Variants in CDC23 observed in about 807,000 individuals in gnomAD.
CDC23 encodes cell division cycle 23.
In CDC23, 26 loss-of-function variants were observed where a neutral mutation model predicts 81.7. The ratio of observed to expected loss-of-function variants is 0.32; its 90% CI spans 0.23 to 0.44. The LOEUF is 0.44. CDC23 is among the 20% of genes least tolerant of loss of function. The pLI, the probability that CDC23 is intolerant of heterozygous loss-of-function variation, is 1.00. For missense variants in CDC23, 519 were observed against 728.0 expected, an observed-to-expected ratio of 0.71 and a Z score of 3.30; for synonymous variants, 267 against 270.8, an observed-to-expected ratio of 0.99 and a Z score of 0.14.
intron 3 of CDC23, among the ~76,000 whole-genome samples, chr5:138,202,991 T>C (rs1755005751): frequency 6.6e-6 from 1 of 152,200 alleles, no homozygotes. Context: ...AGAAAATGGA[T>C]AACATCTTCA....
Position 138,201,317 on chromosome 5 carries a change from A to G in CDC23, c.521+26T>C, listed in dbSNP as rs1754986916. On this transcript the variant is annotated intron_variant, in intron 5 of 15. Transcript: ENST00000394886. ...TCTACTCAGGAGAATATGTTACAGA[A>G]AGTTCCAAATTACTGTAACACTTAC... is the stretch of plus-strand genomic sequence containing the variant. The G allele has an allele frequency of 3.1e-6, 5 of 1,613,136 alleles. No homozygotes were observed. In the East Asian group the frequency reaches 1.1e-4, roughly 36 times the overall value.
intron 9 of CDC23, among the ~76,000 whole-genome samples, chr5:138,194,259 G>T (rs1048946481): frequency 6.6e-6 from 1 of 152,086 alleles, no homozygotes; most frequent in Admixed American, 6.6e-5. Flanking sequence ...AGACCAGCAT[G>T]GGCAACATAG....
chr5:138,213,126 C>G (rs367596714), intron 1 of CDC23, 26 bp downstream of exon 1: 2 of 1,614,030 alleles, frequency 1.2e-6, no homozygotes, highest in Non-Finnish European at 8.5e-7. Flanking sequence ...ATCCAAGCCC[C>G]GTCCCTTCCC....
chr5:138,210,147 T>A (rs1218926196), intron 2 of CDC23, among the ~76,000 whole-genome samples: 1 of 122,652 alleles, frequency 8.2e-6, no homozygotes. Context: ...ACCTGGGAGG[T>A]GGAGGTTGCG....
chr5:138,193,306 G>A (rs960131300), intron 9 of CDC23, among the ~76,000 whole-genome samples: 1 of 152,098 alleles, frequency 6.6e-6, no homozygotes, highest in African/African-American at 2.4e-5. Context: ...TTTCTAAAGA[G>A]GTACCCAGGC....
chr5:138,198,147 G>T, intron 9 of CDC23, 52 bp downstream of exon 9: 1 of 1,332,124 alleles, frequency 7.5e-7, no homozygotes, highest in Non-Finnish European at 1.1e-6. Context: ...TTTCACATGT[G>T]TTACTTATAA....
intron 3 of CDC23, among the ~76,000 whole-genome samples, chr5:138,202,982 GA>G (rs1211796621): frequency 1.3e-5 from 2 of 152,170 alleles, no homozygotes; most frequent in Non-Finnish European, 2.9e-5. Flanking sequence ...ACACAGTGGA[GA>G]AAATGGATAA....
At chr5:138,191,766 A>G in intron 12 of CDC23, 96 bp downstream of exon 12, 1 of 1,062,288 alleles carries the variant, frequency 9.4e-7, no homozygotes, top group Non-Finnish European at 1.5e-6. Context: ...CTATGCACCT[A>G]GATCAGAATA....
rs1165999814 is a variant in CDC23 at position 138,197,495 on chromosome 5, A to AT, written c.1012+703dup. ...TAGACGTAACATGTAATACATATTT[A>AT]TTTTTTTTTTTTTTTTTTTGAGACG... is the stretch of plus-strand genomic sequence containing the variant. On this transcript the variant is annotated intron_variant, in intron 9 of 15. Coordinates refer to ENST00000394886, the MANE Select transcript of CDC23 (RefSeq NM_004661.4). 6.2e-4 allele frequency among the ~76,000 whole-genome samples: 88 copies of AT among 142,508 alleles called. 1 individual carries two copies. Among genetic ancestry groups the AT allele is most frequent in the Middle Eastern group, 3.6e-3 (1 of 278 alleles). 93.5% of individuals were successfully genotyped at this position (142,508 alleles called of 152,430 possible).
intron 2 of CDC23, 39 bp downstream of exon 2, chr5:138,212,952 T>G: frequency 6.4e-7 from 1 of 1,571,724 alleles, no homozygotes; most frequent in Non-Finnish European, 8.8e-7. Context: ...GGCACACCCC[T>G]GGGTTGATGG....
rs780897488 is a variant in CDC23, at chr5:138,201,399, T to G, written c.465A>C (p.Arg155Ser). Reference sequence around the variant, plus strand: ...CTTGGTGTTTTTTGCTGAGCTCCACTCTCAATTCTCTAAGCGCCTCATTTT... The same window carrying G: ...CTTGGTGTTTTTTGCTGAGCTCCACGCTCAATTCTCTAAGCGCCTCATTTT... ...QVKNEALRELRVELSKKHQAR... is the reference protein window; with the variant it reads ...QVKNEALRELSVELSKKHQAR... The change falls in exon 5 of 16, where the codon AGA becomes AGC. Residue 155 changes from arginine (R) to serine (S), a missense_variant. Physicochemically the swap from Arg to Ser is moderately radical, Grantham distance 110. Around this residue, in one of 4 missense-constraint regions of CDC23, gnomAD observed 180 missense variants for 239.3 expected, o/e 0.75. Coordinates refer to ENST00000394886, the MANE Select transcript of CDC23 (RefSeq NM_004661.4). The G allele has an allele frequency of 6.2e-7, 1 of 1,614,120 alleles. No individual in the cohort carries two copies. Among genetic ancestry groups the G allele is most frequent in the African/African-American group, 1.3e-5 (1 of 75,042 alleles).
Position 138,212,202 on chromosome 5 carries a change from CAGA to C in CDC23, c.234+786_234+788del, listed in dbSNP as rs1235640798. ...CACTGCACAGATGAGGAAACTGGCTCAGAAGGTTAAGTTGCCAAAGGTCATTTG... is the reference window on the plus strand; with the variant it reads ...CACTGCACAGATGAGGAAACTGGCTCAGGTTAAGTTGCCAAAGGTCATTTG... On this transcript the variant is annotated intron_variant, in intron 2 of 15. Transcript: ENST00000394886. Among the ~76,000 whole-genome samples the C allele has an allele frequency of 2.6e-5, 4 of 152,288 alleles. No homozygotes were observed. In the East Asian group the frequency reaches 7.7e-4, roughly 29 times the overall value.
At chr5:138,207,883 C>G (rs17228353) in intron 2 of CDC23, among the ~76,000 whole-genome samples, 1 of 151,826 alleles carries the variant, frequency 6.6e-6, no homozygotes, top group South Asian at 2.1e-4. Context: ...GAGCCAAGAT[C>G]GCGCCACATC....
rs1754983981 is a variant in CDC23, at chr5:138,201,105, A to T, written c.654+2T>A. 1 of 1,613,286 alleles carries T rather than the reference A, an allele frequency of 6.2e-7. No individual in the cohort carries two copies. Among genetic ancestry groups the T allele is most frequent in the African/African-American group, 1.3e-5 (1 of 74,900 alleles). On this transcript the variant is annotated splice_donor_variant, in intron 6 of 15. Transcript: ENST00000394886. LOFTEE classifies it high-confidence loss of function. ...TTTTTCACATAGCTCATCACAATTT[A>T]CCATCTCTTTGTCTGTGATCAGGTT...
chr5:138,189,936 A>G (rs1378221374), intron 13 of CDC23, 30 bp from the exon 14 acceptor site: 3 of 1,597,410 alleles, frequency 1.9e-6, no homozygotes, highest in East Asian at 2.2e-5. Flanking sequence ...TTAAATACCA[A>G]TGATATCCCA....
chr5:138,199,994 A>T (rs996115500), intron 6 of CDC23, among the ~76,000 whole-genome samples: 1 of 152,220 alleles, frequency 6.6e-6, no homozygotes, highest in Admixed American at 6.5e-5. Context: ...ACTATAGACA[A>T]TATCCTCTAC....
intron 9 of CDC23, among the ~76,000 whole-genome samples, chr5:138,197,752 C>G (rs1754933363): frequency 6.6e-6 from 1 of 152,018 alleles, no homozygotes; most frequent in Non-Finnish European, 1.5e-5. Context: ...GCCCTGGCAT[C>G]CCAAAGTGCT....
chr5:138,192,361 G>A lies in CDC23; in HGVS notation c.1194C>T (p.Asp398=), dbSNP rs1317228608. 1.2e-6 allele frequency: 2 copies of A among 1,614,106 alleles called. No individual in the cohort carries two copies. The highest frequency in any genetic ancestry group is 1.7e-5 in the Admixed American group (1 of 60,010). Residue 398 remains aspartate (D), a synonymous_variant, in exon 11 of 16, where the codon GAC becomes GAT. Coordinates refer to ENST00000394886, the MANE Select transcript of CDC23 (RefSeq NM_004661.4). The part of the protein sequence containing the change: ...YRHAIEVNKR[D]YRAWYGLGQT... The stretch of plus-strand genomic sequence containing the variant: ...GCCCGAGGCCATACCAAGCTCTGTA[G>A]TCCCGTTTGTTGACCTCAATGGCAT...
chr5:138,198,626 C>G lies in CDC23; in HGVS notation c.811G>C (p.Val271Leu). The G allele has an allele frequency of 6.2e-7, 1 of 1,614,122 alleles. No homozygotes were observed. Among genetic ancestry groups the G allele is most frequent in the East Asian group, 2.2e-5 (1 of 44,878 alleles). ...TCACCTCTGATATTGTGATAGGCAACTGCAATTTGGGAAACAATATACGAG... is the reference window on the plus strand; with the variant it reads ...TCACCTCTGATATTGTGATAGGCAAGTGCAATTTGGGAAACAATATACGAG... The part of the protein sequence containing the change: ...KSSYIVSQIA[V>L]AYHNIRDIDK... The change falls in exon 7 of 16, where the codon GTT becomes CTT. Residue 271 changes from valine (V) to leucine (L), a missense_variant. This residue lies in a region of CDC23 where 180 missense variants were observed against 239.3 expected (regional missense o/e 0.75). Transcript: ENST00000394886.
Sources: allele counts gnomAD v4.1 joint callset (sites outside exome capture counted in the v4.1 genomes callset), GRCh38; gene constraint gnomAD v4.1.1; regional missense constraint gnomAD v4.1.1; transcripts MANE v1.5; gene names NCBI Gene and HGNC (gene_info 2026-07-23, HGNC 2026-07-21).